CIT: variants seen among roughly 807,000 people sequenced by gnomAD.
The protein encoded by CIT is citron Rho-interacting kinase.
Under a neutral mutation model 272.7 loss-of-function variants are expected in CIT, and 79 were observed. The observed-to-expected ratio is 0.29, with a 90% confidence interval of 0.24 to 0.35. The LOEUF (loss-of-function observed/expected upper bound fraction) is 0.35, where lower values mean the gene tolerates loss of function less well. CIT is among the 10% of genes least tolerant of loss of function. CIT has a pLI of 1.00. For missense variants in CIT, 1,909 were observed against 2,618.3 expected, an observed-to-expected ratio of 0.73 and a Z score of 5.91; for synonymous variants, 948 against 995.6, an observed-to-expected ratio of 0.95 and a Z score of 0.90.
chr12:119,767,017 G>A (rs1284926804), intron 19 of CIT, 70 bp downstream of exon 19: 3 of 1,134,468 alleles, frequency 2.6e-6, no homozygotes, highest in Non-Finnish European at 3.7e-6. Context: ...GGCCACAAGG[G>A]CCCAGGAAGA....
At position 119,825,368 on chromosome 12, in the gene CIT, C is replaced by T. The variant is rs1396762063; in HGVS notation, c.754G>A (p.Val252Met). The change falls in exon 8 of 48, where the codon GTG (valine) becomes ATG (methionine). Residue 252 changes from valine to methionine, a missense_variant and splice_region_variant. Around this residue, in one of 8 missense-constraint regions of CIT, gnomAD observed 529 missense variants for 549.6 expected, o/e 0.96. Coordinates refer to ENST00000392521, the MANE Select transcript of CIT (RefSeq NM_001206999.2). ...SAAKMNSNKM[V>M]NAKLPIGTPD... ...GTCCCAATCGGGAGTTTGGCATTCA[C>T]CTAGAATCCCATCAATAAAACGAAT... The T allele has an allele frequency of 2.5e-6, 4 of 1,613,154 alleles. No homozygotes were observed.
intron 23 of CIT, among the ~76,000 whole-genome samples, chr12:119,751,799 G>T (rs1427122800): frequency 6.6e-6 from 1 of 151,972 alleles, no homozygotes; most frequent in Non-Finnish European, 1.5e-5. Context: ...TTCAAAAGAA[G>T]GAAAATATAT....
intron 46 of CIT, among the ~76,000 whole-genome samples, chr12:119,691,606 G>A (rs918399151): frequency 2.6e-5 from 4 of 152,152 alleles, no homozygotes; most frequent in African/African-American, 9.7e-5. Flanking sequence ...AGGCCTCAAA[G>A]GTTGATAATT....
chr12:119,815,633 G>T lies in CIT; in HGVS notation c.1111+7187C>A, dbSNP rs569891044. 8.5e-5 allele frequency among the ~76,000 whole-genome samples: 13 copies of T among 152,060 alleles called. No homozygotes were observed. The East Asian group carries it at 2.5e-3, about 30-fold the overall frequency. ...AGGCAAGAGAATCACTTGAACGTGGGAGGCAGAGGTTGCAACGAGCCGAGA... is the reference window on the plus strand; with the variant it reads ...AGGCAAGAGAATCACTTGAACGTGGTAGGCAGAGGTTGCAACGAGCCGAGA... On this transcript the variant is annotated intron_variant, in intron 9 of 47. Transcript: ENST00000392521.
Position 119,752,185 on chromosome 12 carries a change from G to A in CIT, c.2769C>T (p.Leu923=), listed in dbSNP as rs1261808009. 1 of 1,612,072 alleles carries A rather than the reference G, an allele frequency of 6.2e-7. No individual in the cohort carries two copies. Among genetic ancestry groups the A allele is most frequent in the Non-Finnish European group, 8.5e-7 (1 of 1,179,986 alleles). The change falls in exon 23 of 48, where the codon CTC becomes CTT. Residue 923 remains leucine (L), a synonymous_variant. Transcript: ENST00000392521. The part of the protein sequence containing the change: ...ELKRQLTELQ[L]SLQERESQLT... ...ACTGTGACTCGCGCTCCTGCAGGGA[G>A]AGCTGTAGCTCTGTGAGCTGGCGCT...
In CIT at chr12:119,718,504, A is replaced by G; in HGVS notation, c.4004-95T>C. 2.0e-6 allele frequency: 3 copies of G among 1,485,618 alleles called. No homozygotes were observed. The highest frequency in any genetic ancestry group is 1.3e-5 in the South Asian group (1 of 76,488). 92.0% of individuals were successfully genotyped at this position (1,485,618 alleles called of 1,614,324 possible). ...CCCTGGGCTATCTTTCAAGGACCCA[A>G]GACCAAAAGAATATGCGTCACATCA... On this transcript the variant is annotated intron_variant, in intron 31 of 47. Transcript: ENST00000392521. This position sits in a 1 kb window ranked among gnomAD's most constrained non-coding sequence, Gnocchi z 4.8.
intron 9 of CIT, among the ~76,000 whole-genome samples, chr12:119,810,416 G>A (rs1296669039): frequency 6.6e-6 from 1 of 152,104 alleles, no homozygotes; most frequent in African/African-American, 2.4e-5. Context: ...GTAACAAAAT[G>A]TGGCTGGGCG....
chr12:119,710,276 G>T lies in CIT; in HGVS notation c.5046C>A (p.Asp1682Glu). 6.2e-7 allele frequency: 1 copy of T among 1,614,222 alleles called. No homozygotes were observed. Among genetic ancestry groups the T allele is most frequent in the Admixed American group, 1.7e-5 (1 of 60,030 alleles). Reference sequence around the variant, plus strand: ...CTGCTATCATGAGTAGCTTCTCCAGGTCCTTGATAATATAAATTTGGAAGA... The same window carrying T: ...CTGCTATCATGAGTAGCTTCTCCAGTTCCTTGATAATATAAATTTGGAAGA... ...GAVFQIYIIKDLEKLLMIAGE... is the reference protein window; with the variant it reads ...GAVFQIYIIKELEKLLMIAGE... The change falls in exon 39 of 48, where the codon GAC becomes GAA. Residue 1682 changes from aspartate (D) to glutamate (E), a missense_variant. Around this residue, in one of 8 missense-constraint regions of CIT, gnomAD observed 780 missense variants for 1,067.2 expected, o/e 0.73. Transcript: ENST00000392521. The surrounding 1 kb of genome is among the most constrained non-coding windows in gnomAD (Gnocchi z 5.6).
intron 4 of CIT, among the ~76,000 whole-genome samples, chr12:119,851,101 TAG>T (rs1970196819): frequency 6.6e-6 from 1 of 152,186 alleles, no homozygotes; most frequent in Admixed American, 6.5e-5. Context: ...TTTATTTTTG[TAG>T]AGACAGAGTC....
chr12:119,689,148 C>T (rs1243427485), intron 47 of CIT, among the ~76,000 whole-genome samples: 1 of 152,018 alleles, frequency 6.6e-6, no homozygotes, highest in Non-Finnish European at 1.5e-5. Context: ...CACTGCACTC[C>T]AGCCTGGGCA....
intron 40 of CIT, 122 bp downstream of exon 40, chr12:119,708,057 C>T: frequency 9.3e-7 from 1 of 1,078,170 alleles, no homozygotes; most frequent in Non-Finnish European, 1.3e-6. Flanking sequence ...TCAAGAGAGC[C>T]CCTCTCTGTT....
At chr12:119,795,636 T>C (rs1965671911) in intron 10 of CIT, among the ~76,000 whole-genome samples, 1 of 152,176 alleles carries the variant, frequency 6.6e-6, no homozygotes, top group Admixed American at 6.5e-5. Context: ...TCCTGCATAA[T>C]CTAGCAAAGT....
rs1354480689 is a variant in CIT at position 119,876,088 on chromosome 12, C to T, written c.81G>A (p.Leu27=). Residue 27 remains leucine (L), a synonymous_variant, in exon 2 of 48, where the codon CTG becomes CTA. Transcript: ENST00000392521. ...AEPIASRASR[L]NLFFQGKPPF... ...AGGCTGTTACCTGGAAGAACAGATT[C>T]AGCCTGGAGGCCCGGCTGGCAATGG... The T allele has an allele frequency of 1.2e-6, 2 of 1,613,552 alleles. No individual in the cohort carries two copies. Among genetic ancestry groups the T allele is most frequent in the Non-Finnish European group, 1.7e-6 (2 of 1,179,586 alleles).
intron 9 of CIT, among the ~76,000 whole-genome samples, chr12:119,817,346 C>T (rs895841495): frequency 1.3e-5 from 2 of 152,046 alleles, no homozygotes; most frequent in South Asian, 4.2e-4. Flanking sequence ...CCTGTCTCTA[C>T]TAAAAATACA....
intron 10 of CIT, among the ~76,000 whole-genome samples, chr12:119,797,087 C>T (rs1429369484): frequency 5.3e-5 from 8 of 152,186 alleles, no homozygotes; most frequent in Non-Finnish European, 8.8e-5. Context: ...GAGAAATTCA[C>T]GTAGACAAAG....
chr12:119,744,448 C>T (rs999450627), intron 23 of CIT, among the ~76,000 whole-genome samples: 4 of 150,658 alleles, frequency 2.7e-5, no homozygotes, highest in Middle Eastern at 3.5e-3. Flanking sequence ...GGAGGCCAGG[C>T]GCAGTGGCTC....
At chr12:119,759,627 C>A (rs2137485383) in intron 20 of CIT, among the ~76,000 whole-genome samples, 1 of 152,104 alleles carries the variant, frequency 6.6e-6, no homozygotes, top group South Asian at 2.1e-4. Flanking sequence ...GCCTGTGTGA[C>A]AGAGCAAGAC....
chr12:119,691,300 G>A (rs2136918109), intron 46 of CIT, among the ~76,000 whole-genome samples: 1 of 151,816 alleles, frequency 6.6e-6, no homozygotes, highest in South Asian at 2.1e-4. Flanking sequence ...AGCCTACTAA[G>A]ACCCAGAAGT....
intron 10 of CIT, among the ~76,000 whole-genome samples, chr12:119,789,354 C>T (rs575880103): frequency 2.6e-5 from 4 of 152,186 alleles, no homozygotes; most frequent in Non-Finnish European, 5.9e-5. Flanking sequence ...GCCTTTTCAT[C>T]ACTCTTTGAG....
Sources: gnomAD v4.1 joint callset for allele counts (sites outside exome capture counted in the v4.1 genomes callset) on GRCh38, gnomAD v4.1.1 for gene constraint, gnomAD v4.1.1 regional missense constraint, Gnocchi (gnomAD v3.1) non-coding constraint, MANE v1.5 for transcripts, NCBI Gene and HGNC (gene_info 2026-07-23, HGNC 2026-07-21) for gene names.